Variants in NCOA1 observed in about 807,000 individuals in gnomAD.
The protein encoded by NCOA1 is nuclear receptor coactivator 1.
A neutral mutation model predicts 150.9 loss-of-function variants in NCOA1; 35 were observed. That is an observed-to-expected ratio of 0.23 (90% CI 0.18 to 0.31). The LOEUF (loss-of-function observed/expected upper bound fraction) is 0.31. Among genes scored for constraint, NCOA1 ranks in the 10% least tolerant of loss-of-function variants. The pLI is 1.00. For missense variants in NCOA1, 1,491 were observed against 1,749.3 expected, an observed-to-expected ratio of 0.85 and a Z score of 2.63; for synonymous variants, 590 against 630.0, an observed-to-expected ratio of 0.94 and a Z score of 0.95.
chr2:24,545,859 C>A (rs2148207206), intron 1 of NCOA1, among the ~76,000 whole-genome samples: 2 of 152,294 alleles, frequency 1.3e-5, no homozygotes, highest in East Asian at 3.9e-4. Context: ...GTGGCACGAT[C>A]TCGGCTCACT....
chr2:24,548,450 C>A lies in NCOA1; in HGVS notation c.-395-15845C>A, dbSNP rs528586133. On this transcript the variant is annotated intron_variant, in intron 1 of 22. Transcript: ENST00000348332. ...ACACAGTCAAACCATATCATTCCATCCCTGGCCCCTCCAAATCTTGCATCC... is the reference window on the plus strand; with the variant it reads ...ACACAGTCAAACCATATCATTCCATACCTGGCCCCTCCAAATCTTGCATCC... Among the ~76,000 whole-genome samples the A allele has an allele frequency of 5.9e-5, 9 of 152,320 alleles. No homozygotes were observed. In the East Asian group the frequency reaches 1.7e-3, roughly 29 times the overall value.
In NCOA1 at chr2:24,707,053, A is replaced by G. The variant is rs1673483170; in HGVS notation, c.1583A>G (p.Asn528Ser). ...PVGMTSSACNNNNRSYSNIPV... is the reference protein window; with the variant it reads ...PVGMTSSACNSNNRSYSNIPV... ...GGCATGACAAGTAGTGCCTGTAATA[A>G]TAATAACCGATCTTATTCAAACATC... Residue 528 changes from asparagine (N) to serine (S), a missense_variant, in exon 13 of 23, where the codon AAT (asparagine) becomes AGT (serine). Physicochemically the swap from Asn to Ser is conservative, Grantham distance 46. Coordinates refer to ENST00000348332, the MANE Select transcript of NCOA1 (RefSeq NM_003743.5). 1 of 1,614,084 alleles carries G rather than the reference A, an allele frequency of 6.2e-7. No individual in the cohort carries two copies. Among genetic ancestry groups the G allele is most frequent in the Admixed American group, 1.7e-5 (1 of 60,006 alleles).
chr2:24,560,896 G>A (rs1421980682), intron 1 of NCOA1, among the ~76,000 whole-genome samples: 2 of 152,136 alleles, frequency 1.3e-5, no homozygotes, highest in Non-Finnish European at 2.9e-5. Flanking sequence ...AGGTTTCTGT[G>A]CTGTTTGGTT....
intron 8 of NCOA1, among the ~76,000 whole-genome samples, chr2:24,685,781 A>G (rs1572590896): frequency 6.6e-6 from 1 of 152,168 alleles, no homozygotes; most frequent in Non-Finnish European, 1.5e-5. Context: ...GACTGGCTTT[A>G]TCTAAATGTT....
intron 17 of NCOA1, among the ~76,000 whole-genome samples, chr2:24,734,380 C>A (rs975689386): frequency 2.6e-5 from 4 of 152,056 alleles, no homozygotes; most frequent in African/African-American, 9.7e-5. Context: ...AATAAAATCT[C>A]AACATGGAAT....
At chr2:24,524,223 T>A (rs1042351512) in intron 1 of NCOA1, among the ~76,000 whole-genome samples, 10 of 152,220 alleles carry the variant, frequency 6.6e-5, no homozygotes, top group Non-Finnish European at 1.2e-4. Context: ...TTATAATCAT[T>A]TTTATAAATT....
chr2:24,528,884 G>T (rs1447143061), intron 1 of NCOA1, among the ~76,000 whole-genome samples: 1 of 151,878 alleles, frequency 6.6e-6, no homozygotes, highest in South Asian at 2.1e-4. Context: ...ATGATGAAGA[G>T]TTTTGTTTGT....
chr2:24,665,425 A>G (rs1390915878), intron 5 of NCOA1, among the ~76,000 whole-genome samples: 1 of 152,178 alleles, frequency 6.6e-6, no homozygotes, highest in East Asian at 1.9e-4. Flanking sequence ...AGTAGTTCCA[A>G]ATGTAACTGC....
intron 5 of NCOA1, among the ~76,000 whole-genome samples, chr2:24,663,225 G>A (rs567103033): frequency 1.3e-4 from 20 of 152,118 alleles, no homozygotes; most frequent in Non-Finnish European, 2.4e-4. Context: ...TTATAGATTC[G>A]TTAACTTGGT....
chr2:24,541,900 ACT>A (rs1472178574), intron 1 of NCOA1, among the ~76,000 whole-genome samples: 1 of 152,198 alleles, frequency 6.6e-6, no homozygotes, highest in Non-Finnish European at 1.5e-5. Context: ...AAATTCATAG[ACT>A]CAGTGCAGTG....
At chr2:24,519,075 T>C in intron 1 of NCOA1, among the ~76,000 whole-genome samples, 1 of 152,276 alleles carries the variant, frequency 6.6e-6, no homozygotes, top group Non-Finnish European at 1.5e-5. Flanking sequence ...TCAAGTCTTA[T>C]TATAAAACTA....
At chr2:24,749,048 A>G (rs1269156620) in intron 19 of NCOA1, among the ~76,000 whole-genome samples, 2 of 152,254 alleles carry the variant, frequency 1.3e-5, no homozygotes, top group Non-Finnish European at 2.9e-5. Context: ...AAGAAAGAAC[A>G]CAGTGCTAGC....
At chr2:24,734,867 T>C (rs978611715) in intron 17 of NCOA1, among the ~76,000 whole-genome samples, 4 of 151,616 alleles carry the variant, frequency 2.6e-5, no homozygotes, top group Non-Finnish European at 5.9e-5. Context: ...CATAATAGAG[T>C]TCTACATAAT....
At chr2:24,670,548 C>T (rs1671636807) in intron 6 of NCOA1, among the ~76,000 whole-genome samples, 1 of 152,144 alleles carries the variant, frequency 6.6e-6, no homozygotes. Flanking sequence ...TGAAAACATG[C>T]TAAGCCAAAG....
chr2:24,706,714 C>G lies in NCOA1; in HGVS notation c.1244C>G (p.Ser415Cys). Residue 415 changes from serine to cysteine, a missense_variant, in exon 13 of 23, where the codon TCC becomes TGC. Physicochemically the swap from Ser to Cys is moderately radical, Grantham distance 112. Around this residue, in one of 8 missense-constraint regions of NCOA1, gnomAD observed 703 missense variants for 717.7 expected, o/e 0.98. Transcript: ENST00000348332. ...TLPPSNSNMV[S>C]TRINRQQSSD... is the part of the protein sequence containing the mutation. ...CCACCATCCAACAGCAACATGGTAT[C>G]CACCAGAATAAACCGCCAGCAGAGC... The G allele has an allele frequency of 6.2e-7, 1 of 1,614,144 alleles. No homozygotes were observed. The highest frequency in any genetic ancestry group is 8.5e-7 in the Non-Finnish European group (1 of 1,180,016).
At chr2:24,653,079 T>C (rs1045059912) in intron 4 of NCOA1, among the ~76,000 whole-genome samples, 6 of 152,124 alleles carry the variant, frequency 3.9e-5, no homozygotes, top group Non-Finnish European at 5.9e-5. Context: ...CTGGCTGCTG[T>C]TGTTTGTTGT....
Position 24,607,116 on chromosome 2 carries a change from T to C in NCOA1, c.-175+22556T>C, listed in dbSNP as rs182300626. Among the ~76,000 whole-genome samples, 31 of 152,120 alleles carry C rather than the reference T, an allele frequency of 2.0e-4. No individual in the cohort carries two copies. The East Asian group carries it at 4.1e-3, about 20-fold the overall frequency. On this transcript the variant is annotated intron_variant, in intron 3 of 22. Transcript: ENST00000348332. The stretch of plus-strand genomic sequence containing the variant: ...AAATTATTTGGTGTCAGACAGATGT[T>C]GTATAGCATAATTTGGGAAACCCTG...
Position 24,729,523 on chromosome 2 carries a change from C to T in NCOA1, c.2909C>T (p.Ser970Leu). 1 of 1,613,964 alleles carries T rather than the reference C, an allele frequency of 6.2e-7. No homozygotes were observed. The highest frequency in any genetic ancestry group is 8.5e-7 in the Non-Finnish European group (1 of 1,179,838). ...CAGGGGGGTGGATTAGATGTATTAT[C>T]AGAGAGATTTCCACCACAACAAGCA... The part of the protein sequence containing the change: ...LVQGGGLDVL[S>L]ERFPPQQATP... The change falls in exon 17 of 23, where the codon TCA becomes TTA. Residue 970 changes from serine (S) to leucine (L), a missense_variant. This residue lies in a region of NCOA1 where 485 missense variants were observed against 522.8 expected (regional missense o/e 0.93). Transcript: ENST00000348332.
chr2:24,614,184 C>T (rs1258965079), intron 3 of NCOA1, among the ~76,000 whole-genome samples: 4 of 63,104 alleles, frequency 6.3e-5, no homozygotes, highest in Admixed American at 1.9e-4. Context: ...CCTATTGTAT[C>T]GATTCATTTC....
Sources: gnomAD v4.1 joint callset for allele counts (sites outside exome capture counted in the v4.1 genomes callset) on GRCh38, gnomAD v4.1.1 for gene constraint, gnomAD v4.1.1 regional missense constraint, MANE v1.5 for transcripts, NCBI Gene and HGNC (gene_info 2026-07-23, HGNC 2026-07-21) for gene names.